The following OTOGL variants were observed in gnomAD, a reference collection of about 807,000 sequenced individuals.
The protein encoded by OTOGL is otogelin-like protein.
Under a neutral mutation model 318.5 loss-of-function variants are expected in OTOGL, and 285 were observed. The observed-to-expected ratio is 0.89, with a 90% CI of 0.81 to 0.99. OTOGL has a LOEUF of 0.99. OTOGL is among the 50% of genes least tolerant of loss of function. OTOGL has a pLI of 0.00. For synonymous variants in OTOGL, 987 were observed against 936.5 expected (o/e 1.05, Z -0.99); for missense variants, 2,899 against 2,845.6 (o/e 1.02, Z -0.43).
chr12:80,350,995 G>A (rs1040621567), intron 44 of OTOGL, among the ~76,000 whole-genome samples: 1 of 152,078 alleles, frequency 6.6e-6, no homozygotes. Flanking sequence ...GTGTCCTAGA[G>A]CTTTTCCTCT....
rs771837470 is a variant in OTOGL at position 80,256,330 on chromosome 12, T to C, written c.1588-7T>C. The stretch of plus-strand genomic sequence containing the variant: ...TTCCTTGCATTGATAATTTGATTTT[T>C]ACGCAGAATCTTGGCTTGGTCTGCC... On this transcript the variant is annotated splice_polypyrimidine_tract_variant and splice_region_variant and intron_variant, in intron 16 of 58. Transcript: ENST00000547103. 3 of 1,594,244 alleles carry C rather than the reference T, an allele frequency of 1.9e-6. No individual in the cohort carries two copies. Among genetic ancestry groups the C allele is most frequent in the Non-Finnish European group, 2.6e-6 (3 of 1,175,938 alleles).
At chr12:80,189,388 G>A (rs779843597) in intron 1 of OTOGL, 8 of 971,270 alleles carry the variant, frequency 8.2e-6, no homozygotes, top group Non-Finnish European at 9.8e-6. Context: ...AGAGAATCCA[G>A]TCTTTGACCA....
At chr12:80,189,595 T>A (rs1473919580) in intron 1 of OTOGL, 5 of 526,482 alleles carry the variant, frequency 9.5e-6, no homozygotes, top group Non-Finnish European at 1.2e-5. Flanking sequence ...AGAGATAGAT[T>A]GCAAAACTCA....
chr12:80,118,372 C>T (rs1166089023), intron 1 of OTOGL, among the ~76,000 whole-genome samples: 1 of 152,148 alleles, frequency 6.6e-6, no homozygotes, highest in Non-Finnish European at 1.5e-5. Flanking sequence ...GGGTAAACTA[C>T]ATTATTTGCT....
At chr12:80,372,227 A>C (rs1890920881) in intron 57 of OTOGL, among the ~76,000 whole-genome samples, 163 bp downstream of exon 57, 2 of 152,108 alleles carry the variant, frequency 1.3e-5, no homozygotes, top group Non-Finnish European at 2.9e-5. Context: ...ATGGTTAATA[A>C]TTTTGTAATT....
chr12:80,236,976 G>A (rs1879922240), intron 9 of OTOGL, among the ~76,000 whole-genome samples: 1 of 151,428 alleles, frequency 6.6e-6, no homozygotes, highest in African/African-American at 2.4e-5. Context: ...CACCATGCCT[G>A]GCTAATTTTT....
In OTOGL at chr12:80,353,517, C is replaced by A; in HGVS notation, c.5593+7C>A. 6.6e-7 allele frequency: 1 copy of A among 1,516,976 alleles called. No individual in the cohort carries two copies. The allele number at this position is 1,516,976 out of a possible 1,614,324, so 94.0% of individuals were successfully genotyped here. A position where few individuals can be genotyped will look rare whatever the true frequency, so the allele number is the denominator to read the frequency against. Reference sequence around the variant, plus strand: ...ATTCCAGAGAAAGAGTGTGGTAAGACACAAAGTACAAAATGACTTCTCAGG... The same window carrying A: ...ATTCCAGAGAAAGAGTGTGGTAAGAAACAAAGTACAAAATGACTTCTCAGG... On this transcript the variant is annotated splice_region_variant and intron_variant, in intron 46 of 58. Transcript: ENST00000547103.
chr12:80,167,820 G>A (rs925287818), intron 1 of OTOGL, among the ~76,000 whole-genome samples: 2 of 145,184 alleles, frequency 1.4e-5, no homozygotes, highest in African/African-American at 5.6e-5. Flanking sequence ...CCACATAGCG[G>A]AAAAAAATGG....
intron 38 of OTOGL, among the ~76,000 whole-genome samples, chr12:80,335,404 A>G (rs566883207): frequency 6.6e-6 from 1 of 152,146 alleles, no homozygotes; most frequent in Non-Finnish European, 1.5e-5. Context: ...CCATAATTTA[A>G]ATGGAATGTG....
intron 1 of OTOGL, among the ~76,000 whole-genome samples, chr12:80,188,540 A>G (rs1330849925): frequency 6.7e-6 from 1 of 149,038 alleles, no homozygotes; most frequent in African/African-American, 2.5e-5. Flanking sequence ...TCTGTCTCAA[A>G]AAAAAAATAA....
chr12:80,135,482 A>T (rs377472291), intron 1 of OTOGL, among the ~76,000 whole-genome samples: 1 of 151,966 alleles, frequency 6.6e-6, no homozygotes. Context: ...CACGTTTGTC[A>T]GGCTGGTCTC....
At chr12:80,287,706 T>G (rs1301982988) in intron 26 of OTOGL, among the ~76,000 whole-genome samples, 1 of 152,112 alleles carries the variant, frequency 6.6e-6, no homozygotes, top group African/African-American at 2.4e-5. Flanking sequence ...TTATCAGAGA[T>G]TAGGATTACA....
At position 80,252,200 on chromosome 12, in the gene OTOGL, T is replaced by C; in HGVS notation, c.1284T>C (p.Asp428=). The change falls in exon 13 of 59, where the codon GAT becomes GAC. Residue 428 remains aspartate, a splice_region_variant and synonymous_variant. Coordinates refer to ENST00000547103, the MANE Select transcript of OTOGL (RefSeq NM_001378609.3). ...GTCTTGATGGATGTTACTGCCCAGA[T>C]GGTAAGTGCTTCATGAAGAAACCAT... ...LHCLDGCYCP[D]GLVMDNGTCI... 1.3e-6 allele frequency: 2 copies of C among 1,598,188 alleles called. No individual in the cohort carries two copies. The highest frequency in any genetic ancestry group is 1.1e-5 in the South Asian group (1 of 87,956).
intron 1 of OTOGL, among the ~76,000 whole-genome samples, chr12:80,190,548 G>A (rs1349922035): frequency 1.3e-5 from 2 of 151,936 alleles, no homozygotes; most frequent in Non-Finnish European, 2.9e-5. Flanking sequence ...AGCACTTTGG[G>A]AGGCTGAGGC....
intron 36 of OTOGL, 43 bp downstream of exon 36, chr12:80,328,787 C>G: frequency 6.7e-7 from 1 of 1,502,470 alleles, no homozygotes; most frequent in African/African-American, 1.4e-5. Context: ...AAATTATACG[C>G]TTGCATATGT....
chr12:80,366,583 A>G lies in OTOGL; in HGVS notation c.6277A>G (p.Thr2093Ala). The change falls in exon 53 of 59, where the codon ACT (threonine) becomes GCT (alanine). Residue 2093 changes from threonine to alanine, a missense_variant. Thr to Ala is a moderately conservative substitution (Grantham distance 58, BLOSUM62 0). Transcript: ENST00000547103. ...IMPTCEVGEF[T>A]AIDHNFQSDC... The stretch of plus-strand genomic sequence containing the variant: ...AGTATATTTTCAATAGGGAGAATTT[A>G]CTGCAATAGACCATAACTTCCAGAG... 3.7e-6 allele frequency: 5 copies of G among 1,360,042 alleles called. No homozygotes were observed. The highest frequency in any genetic ancestry group is 4.8e-6 in the Non-Finnish European group (5 of 1,043,378). 84.2% of individuals were successfully genotyped at this position (1,360,042 alleles called of 1,614,324 possible).
At chr12:80,103,362 CTTCTT>C in intron 1 of OTOGL, 1 of 1,121,658 alleles carries the variant, frequency 8.9e-7, no homozygotes, top group Middle Eastern at 2.0e-4. Flanking sequence ...GGTGATCGAT[CTTCTT>C]TTCTTTTCTT....
intron 1 of OTOGL, among the ~76,000 whole-genome samples, chr12:80,135,246 GCCCCTCCCCT>G (rs1330253864): frequency 1.3e-4 from 8 of 62,534 alleles, no homozygotes; most frequent in South Asian, 9.9e-4. Context: ...TATTTCTTGA[GCCCCTCCCCT>G]CCCCTCCCCT....
At chr12:80,275,488 T>C (rs1381349146) in intron 24 of OTOGL, among the ~76,000 whole-genome samples, 1 of 151,972 alleles carries the variant, frequency 6.6e-6, no homozygotes, top group Non-Finnish European at 1.5e-5. Flanking sequence ...ATGTGATCTA[T>C]ACTTGGTGAA....
Sources: gnomAD v4.1 joint callset for allele counts (sites outside exome capture counted in the v4.1 genomes callset) on GRCh38, gnomAD v4.1.1 for gene constraint, MANE v1.5 for transcripts, NCBI Gene and HGNC (gene_info 2026-07-23, HGNC 2026-07-21) for gene names.